The following METTL15 variants were observed in gnomAD, a reference collection of about 807,000 sequenced individuals.
METTL15 encodes the protein methyltransferase 15, mitochondrial 12S rRNA N4-cytidine, also known as 12S rRNA N(4)-cytidine methyltransferase METTL15.
A neutral mutation model predicts 38.3 loss-of-function variants in METTL15; 34 were observed. That is an observed-to-expected ratio of 0.89 (90% CI 0.68 to 1.18). The LOEUF (loss-of-function observed/expected upper bound fraction) is 1.18. METTL15 is among the 50% of genes most tolerant of loss of function. The probability of loss-of-function intolerance (pLI) is 0.00; values close to 1 mark genes in which losing one functional copy is unlikely to be tolerated. For synonymous variants in METTL15, 162 were observed against 170.9 expected (o/e 0.95, Z 0.41); for missense variants, 438 against 498.4 (o/e 0.88, Z 1.15).
chr11:28,285,273 C>T (rs1183608840), intron 4 of METTL15, among the ~76,000 whole-genome samples: 1 of 152,048 alleles, frequency 6.6e-6, no homozygotes, highest in Non-Finnish European at 1.5e-5. Context: ...CAAGCTTGTC[C>T]AACCCACGGC....
At chr11:28,163,366 C>T (rs1850538823) in intron 3 of METTL15, 1 of 397,998 alleles carries the variant, frequency 2.5e-6, no homozygotes, top group Non-Finnish European at 4.4e-6. Flanking sequence ...CCCATGTGCT[C>T]ATCTTTCTGC....
intron 5 of METTL15, among the ~76,000 whole-genome samples, chr11:28,394,378 C>A: frequency 6.6e-6 from 1 of 152,034 alleles, no homozygotes; most frequent in East Asian, 1.9e-4. Flanking sequence ...ACTTTGGCAT[C>A]ATTCAATTTG....
downstream of METTL15, among the ~76,000 whole-genome samples, chr11:28,530,900 T>C (rs965644315): frequency 1.3e-5 from 2 of 152,064 alleles, no homozygotes; most frequent in Admixed American, 1.3e-4. Context: ...GTAAAGTAGA[T>C]AAAATAGATA....
chr11:28,525,285 G>A (rs939079980), intron 6 of METTL15, among the ~76,000 whole-genome samples: 1 of 152,128 alleles, frequency 6.6e-6, no homozygotes, highest in Non-Finnish European at 1.5e-5. Context: ...CTGCTGATTG[G>A]TCCATTTTAC....
At chr11:28,426,405 A>C (rs182028750) in intron 6 of METTL15, among the ~76,000 whole-genome samples, 13 of 152,172 alleles carry the variant, frequency 8.5e-5, no homozygotes, top group African/African-American at 2.9e-4. Flanking sequence ...GTGTCTTTAT[A>C]ATAGAATGAT....
At chr11:28,376,298 G>T (rs184520966) in intron 5 of METTL15, among the ~76,000 whole-genome samples, 1 of 152,164 alleles carries the variant, frequency 6.6e-6, no homozygotes, top group East Asian at 1.9e-4. Context: ...ATGTGTGGGA[G>T]TCTAAGTCTC....
At chr11:28,300,022 G>A (rs1856859681) in intron 6 of METTL15, among the ~76,000 whole-genome samples, 1 of 152,078 alleles carries the variant, frequency 6.6e-6, no homozygotes, top group South Asian at 2.1e-4. Context: ...ACTTAATCCA[G>A]TATATCCTAA....
chr11:28,371,217 A>G (rs965688955), intron 5 of METTL15, among the ~76,000 whole-genome samples: 9 of 152,004 alleles, frequency 5.9e-5, no homozygotes, highest in African/African-American at 2.2e-4. Flanking sequence ...TTTGAGAAAT[A>G]GGGGTCTTGT....
intron 6 of METTL15, among the ~76,000 whole-genome samples, chr11:28,479,057 TTGTGTGTGTGTG>T (rs71050961): frequency 2.1e-4 from 31 of 146,826 alleles, no homozygotes; most frequent in East Asian, 6.1e-4. Flanking sequence ...TTATTTCTCT[TTGTGTGTGTGTG>T]TGTGTGTGTG....
intron 3 of METTL15, among the ~76,000 whole-genome samples, chr11:28,182,181 G>T (rs541354431): frequency 1.3e-5 from 2 of 152,166 alleles, no homozygotes; most frequent in African/African-American, 4.8e-5. Context: ...TGGATAGATT[G>T]TAAAAATTTT....
intron 6 of METTL15, among the ~76,000 whole-genome samples, chr11:28,310,385 C>T (rs1229936813): frequency 6.6e-6 from 1 of 151,916 alleles, no homozygotes; most frequent in African/African-American, 2.4e-5. Context: ...CACGCACGCA[C>T]CCATGAATAT....
intron 6 of METTL15, among the ~76,000 whole-genome samples, chr11:28,437,988 C>T (rs1379117993): frequency 6.9e-6 from 1 of 145,874 alleles, no homozygotes; most frequent in Non-Finnish European, 1.5e-5. Flanking sequence ...ATGGTAGGTG[C>T]TCAATAAATA....
chr11:28,240,562 G>T (rs1854249544), intron 4 of METTL15, among the ~76,000 whole-genome samples: 1 of 152,172 alleles, frequency 6.6e-6, no homozygotes, highest in Non-Finnish European at 1.5e-5. Flanking sequence ...TAGTAACAGA[G>T]ATCCAGTCAT....
chr11:28,330,713 G>A lies in METTL15; in HGVS notation c.1096G>A (p.Val366Ile). The change falls in exon 7 of 7, where the codon GTC (valine) becomes ATC (isoleucine). Residue 366 changes from valine to isoleucine, a missense_variant. Coordinates refer to ENST00000407364, the MANE Select transcript of METTL15 (RefSeq NM_001113528.2). ...TTCAGATCACGAAAACACGGAAGAA[G>A]TCTCTATGAGAAGAGCTCCTTTAAT... ...LGSDHENTEE[V>I]SMRRAPLMWE... 3 of 1,551,548 alleles carry A rather than the reference G, an allele frequency of 1.9e-6. No homozygotes were observed. Among genetic ancestry groups the A allele is most frequent in the South Asian group, 2.4e-5 (2 of 84,060 alleles).
At chr11:28,194,122 A>ATCTTTTTCTTTCTT (rs1554995565) in intron 3 of METTL15, among the ~76,000 whole-genome samples, 1 of 99,078 alleles carries the variant, frequency 1.0e-5, no homozygotes, top group Non-Finnish European at 2.0e-5. Flanking sequence ...TTGATGGTTG[A>ATCTTTTTCTTTCTT]TCTTTCTTTC....
chr11:28,362,838 A>G (rs1166689055), intron 5 of METTL15, among the ~76,000 whole-genome samples: 1 of 152,216 alleles, frequency 6.6e-6, no homozygotes, highest in Non-Finnish European at 1.5e-5. Context: ...ATGTGGGTGC[A>G]TGTGTCTTCA....
At chr11:28,388,705 A>G (rs972019531) in intron 5 of METTL15, among the ~76,000 whole-genome samples, 1 of 152,154 alleles carries the variant, frequency 6.6e-6, no homozygotes, top group Admixed American at 6.6e-5. Flanking sequence ...TTATACTTTA[A>G]CTTTTAGGGG....
intron 4 of METTL15, among the ~76,000 whole-genome samples, chr11:28,281,861 A>G (rs1856067617): frequency 6.6e-6 from 1 of 152,184 alleles, no homozygotes; most frequent in African/African-American, 2.4e-5. Context: ...GTGAGTGGTA[A>G]AGGTTTGGGA....
chr11:28,430,614 C>T (rs754627884), intron 6 of METTL15, among the ~76,000 whole-genome samples: 3,377 of 28,572 alleles, frequency 0.12, 610 homozygotes, highest in Admixed American at 0.21. Flanking sequence ...GTCAGCCCTC[C>T]GCCCGGCCAG....
Sources: gnomAD v4.1 joint callset for allele counts (sites outside exome capture counted in the v4.1 genomes callset) on GRCh38, gnomAD v4.1.1 for gene constraint, MANE v1.5 for transcripts, NCBI Gene and HGNC (gene_info 2026-07-23, HGNC 2026-07-21) for gene names.